The following OR5V1 variants were observed in gnomAD, a reference collection of about 807,000 sequenced individuals.
OR5V1 encodes olfactory receptor family 5 subfamily V member 1, also known as olfactory receptor 5V1.
For synonymous variants in OR5V1, 134 were observed against 143.2 expected (o/e 0.94, Z 0.46); for missense variants, 365 against 371.5 (o/e 0.98, Z 0.14).
Position 29,355,547 on chromosome 6 carries a change from A to G in OR5V1, c.649T>C (p.Ser217Pro). The change falls in exon 2 of 2, where the codon TCC becomes CCC. Residue 217 changes from serine to proline, a missense_variant. By Grantham distance (74) the Ser-to-Pro change is moderately conservative. Coordinates refer to ENST00000641768, the MANE Select transcript of OR5V1 (RefSeq NM_030876.6). Reference sequence around the variant, plus strand: ...ATGGTGGAGATTATGCAAATGTAGGAAAGTACGATACAAAGGAAAGGAGTC... The same window carrying G: ...ATGGTGGAGATTATGCAAATGTAGGGAAGTACGATACAAAGGAAAGGAGTC... ...GWTPFLCIVLSYICIISTILR... is the reference protein window; with the variant it reads ...GWTPFLCIVLPYICIISTILR... 3 of 1,614,048 alleles carry G rather than the reference A, an allele frequency of 1.9e-6. No homozygotes were observed. The highest frequency in any genetic ancestry group is 1.7e-6 in the Non-Finnish European group (2 of 1,179,926).
At position 29,355,311 on chromosome 6, in the gene OR5V1, CT is replaced by C; in HGVS notation, c.884del (p.Lys295ArgfsTer10). 6.2e-7 allele frequency: 1 copy of C among 1,613,770 alleles called. No individual in the cohort carries two copies. Among genetic ancestry groups the C allele is most frequent in the Non-Finnish European group, 8.5e-7 (1 of 1,179,792 alleles). On this transcript the variant is annotated frameshift_variant, in exon 2 of 2. Transcript: ENST00000641768. LOFTEE classifies it low-confidence loss of function (END_TRUNC). Reference protein sequence around the residue: ...LNPIIYTLRNKDIKEAVKTIG... With the variant: ...LNPIIYTLRNXDIKEAVKTIG... ...TAGTTTTGACAGCTTCTTTGATGTC[CT>C]TATTCCTCAATGTGTAAATTATAGG...
chr6:29,366,205 C>G (rs978661585), intron 1 of OR5V1, among the ~76,000 whole-genome samples: 1 of 151,062 alleles, frequency 6.6e-6, no homozygotes, highest in African/African-American at 2.4e-5. Context: ...CTAATGCATG[C>G]GGGGCTTAAA....
rs1320696239 is a variant in OR5V1, at chr6:29,355,592, T to C, written c.604A>G (p.Thr202Ala). The part of the protein sequence containing the change: ...TSVNELALLS[T>A]GVFIGWTPFL... ...GGAGTCCAACCAATGAAGACCCCAGTGGATAGCAGTGCCAACTCATTGACA... is the reference window on the plus strand; with the variant it reads ...GGAGTCCAACCAATGAAGACCCCAGCGGATAGCAGTGCCAACTCATTGACA... The change falls in exon 2 of 2, where the codon ACT becomes GCT. Residue 202 changes from threonine to alanine, a missense_variant. Coordinates refer to ENST00000641768, the MANE Select transcript of OR5V1 (RefSeq NM_030876.6). 6.2e-7 allele frequency: 1 copy of C among 1,613,818 alleles called. No individual in the cohort carries two copies. Among genetic ancestry groups the C allele is most frequent in the Admixed American group, 1.7e-5 (1 of 59,962 alleles).
intron 1 of OR5V1, among the ~76,000 whole-genome samples, chr6:29,365,072 G>A (rs1281367724): frequency 2.6e-5 from 4 of 152,008 alleles, no homozygotes; most frequent in Non-Finnish European, 5.9e-5. Context: ...TGAATAATTG[G>A]TGCTGGGAAA....
Position 29,355,663 on chromosome 6 carries a change from A to C in OR5V1, c.533T>G (p.Phe178Cys). 1 of 1,614,044 alleles carries C rather than the reference A, an allele frequency of 6.2e-7. No individual in the cohort carries two copies. The highest frequency in any genetic ancestry group is 8.5e-7 in the Non-Finnish European group (1 of 1,179,942). ...GATCAGCAAAGGGGGGATGTCACAG[A>C]AGAAGTAATTAATCTGATTGTTGCC... Reference protein sequence around the residue: ...FCGNNQINYFFCDIPPLLILS... With the variant: ...FCGNNQINYFCCDIPPLLILS... The change falls in exon 2 of 2, where the codon TTC becomes TGC. Residue 178 changes from phenylalanine to cysteine, a missense_variant. By Grantham distance (205) the Phe-to-Cys change is radical (BLOSUM62 -2). Coordinates refer to ENST00000641768, the MANE Select transcript of OR5V1 (RefSeq NM_030876.6).
Position 29,355,208 on chromosome 6 carries a change from A to G in OR5V1, c.*22T>C. 3 of 1,542,760 alleles carry G rather than the reference A, an allele frequency of 1.9e-6. No individual in the cohort carries two copies. Among genetic ancestry groups the G allele is most frequent in the Non-Finnish European group, 2.6e-6 (3 of 1,151,890 alleles). ...GGTGAAAAAGTTAATTTTGTAGTATAAGATTATTGAACCTGTGAGGTTCAA... is the reference window on the plus strand; with the variant it reads ...GGTGAAAAAGTTAATTTTGTAGTATGAGATTATTGAACCTGTGAGGTTCAA... On this transcript the variant is annotated 3_prime_UTR_variant, in exon 2 of 2. Coordinates refer to ENST00000641768, the MANE Select transcript of OR5V1 (RefSeq NM_030876.6).
chr6:29,356,452 T>C (rs1165605534), intron 1 of OR5V1, among the ~76,000 whole-genome samples, 175 bp from the exon 2 acceptor site: 1 of 152,138 alleles, frequency 6.6e-6, no homozygotes, highest in Non-Finnish European at 1.5e-5. Flanking sequence ...CACTGGAAGT[T>C]TTAAATTAGA....
chr6:29,361,279 A>C (rs1195635976), intron 1 of OR5V1, among the ~76,000 whole-genome samples: 1 of 152,236 alleles, frequency 6.6e-6, no homozygotes, highest in Non-Finnish European at 1.5e-5. Flanking sequence ...ATATGGGACT[A>C]TGTGAAAAGA....
intron 1 of OR5V1, among the ~76,000 whole-genome samples, chr6:29,365,368 AC>A (rs1778801568): frequency 3.3e-5 from 5 of 152,120 alleles, no homozygotes. Flanking sequence ...TGAACAGGAA[AC>A]CTACAGAATG....
Position 29,355,853 on chromosome 6 carries a change from G to A in OR5V1, c.343C>T (p.Leu115=), listed in dbSNP as rs2151269637. ...VFFVGSECLL[L]AAMAYDRYIA... ...TAACGATCATATGCCATTGCTGCCA[G>A]TAGGAGACACTCTGATCCTACAAAG... is the stretch of plus-strand genomic sequence containing the variant. The change falls in exon 2 of 2, where the codon CTG becomes TTG. Residue 115 remains leucine (L), a synonymous_variant. Coordinates refer to ENST00000641768, the MANE Select transcript of OR5V1 (RefSeq NM_030876.6). The A allele has an allele frequency of 6.2e-7, 1 of 1,614,026 alleles. No individual in the cohort carries two copies. The highest frequency in any genetic ancestry group is 1.6e-4 in the Middle Eastern group (1 of 6,062).
Position 29,355,964 on chromosome 6 carries a change from C to G in OR5V1, c.232G>C (p.Val78Leu). 1 of 1,614,000 alleles carries G rather than the reference C, an allele frequency of 6.2e-7. No individual in the cohort carries two copies. Among genetic ancestry groups the G allele is most frequent in the Non-Finnish European group, 8.5e-7 (1 of 1,179,930 alleles). Reference protein sequence around the residue: ...FIDICYTTSNVPQMMVHLLSK... With the variant: ...FIDICYTTSNLPQMMVHLLSK... ...AGGAGGTGCACCATCATCTGGGGGA[C>G]ATTGCTGGTGGTGTAGCAGATGTCA... Residue 78 changes from valine to leucine, a missense_variant, in exon 2 of 2, where the codon GTC (valine) becomes CTC (leucine). Physicochemically the swap from Val to Leu is conservative, Grantham distance 32. Transcript: ENST00000641768.
chr6:29,360,338 T>C (rs1778508808), intron 1 of OR5V1, among the ~76,000 whole-genome samples: 1 of 152,292 alleles, frequency 6.6e-6, no homozygotes, highest in South Asian at 2.1e-4. Flanking sequence ...TGGGCGCAGC[T>C]TCATCAGACT....
chr6:29,366,970 C>T (rs1180111621), intron 1 of OR5V1, among the ~76,000 whole-genome samples: 1 of 152,166 alleles, frequency 6.6e-6, no homozygotes, highest in Non-Finnish European at 1.5e-5. Context: ...GTTCTGTGAT[C>T]ATTGCCCTTT....
At chr6:29,358,675 T>C (rs146765557) in intron 1 of OR5V1, among the ~76,000 whole-genome samples, 40 of 152,326 alleles carry the variant, frequency 2.6e-4, no homozygotes, top group Non-Finnish European at 1.6e-4. Context: ...GAGGACATTA[T>C]GCTGAGTGAA....
intron 1 of OR5V1, among the ~76,000 whole-genome samples, chr6:29,366,325 T>TAA (rs34270802): frequency 0.18 from 22,411 of 125,486 alleles, 2,299 homozygotes; most frequent in East Asian, 0.4. Context: ...TAAAGTATAT[T>TAA]AAAAAAAAAA....
Position 29,366,553 on chromosome 6 carries a change from G to C in OR5V1, c.-83+2079C>G, listed in dbSNP as rs139889248. Among the ~76,000 whole-genome samples the C allele has an allele frequency of 1.9e-3, 283 of 152,238 alleles. 1 individual carries two copies. The highest frequency in any genetic ancestry group is 6.0e-3 in the African/African-American group (250 of 41,546). On this transcript the variant is annotated intron_variant, in intron 1 of 1. Coordinates refer to ENST00000641768, the MANE Select transcript of OR5V1 (RefSeq NM_030876.6). ...TGGGAGAGTGTGAAGTAGGAAAAAA[G>C]AGAACACAGAATTGAACTTTCTCAG...
rs776638436 is a variant in OR5V1 at position 29,355,835 on chromosome 6, C to A, written c.361G>T (p.Asp121Tyr). The A allele has an allele frequency of 1.2e-6, 2 of 1,614,014 alleles. No homozygotes were observed. ...GGATTGCAGATTGCAATGTAACGAT[C>A]ATATGCCATTGCTGCCAGTAGGAGA... Reference protein sequence around the residue: ...ECLLLAAMAYDRYIAICNPLR... With the variant: ...ECLLLAAMAYYRYIAICNPLR... The change falls in exon 2 of 2, where the codon GAT becomes TAT. Residue 121 changes from aspartate (D) to tyrosine (Y), a missense_variant. Asp to Tyr is a radical substitution (Grantham distance 160). Coordinates refer to ENST00000641768, the MANE Select transcript of OR5V1 (RefSeq NM_030876.6).
At position 29,355,184 on chromosome 6, in the gene OR5V1, G is replaced by T. The variant is rs778426535; in HGVS notation, c.*46C>A. The T allele has an allele frequency of 2.6e-6, 4 of 1,518,956 alleles. 1 individual carries two copies. The South Asian group carries it at 5.4e-5, about 21-fold the overall frequency. The allele number at this position is 1,518,956 out of a possible 1,614,324, so 94.1% of individuals were successfully genotyped here. A position where few individuals can be genotyped will look rare whatever the true frequency, so the allele number is the denominator to read the frequency against. ...AACTTTCAATAAAAACAGCTGACTGGTGAAAAAGTTAATTTTGTAGTATAA... is the reference window on the plus strand; with the variant it reads ...AACTTTCAATAAAAACAGCTGACTGTTGAAAAAGTTAATTTTGTAGTATAA... On this transcript the variant is annotated 3_prime_UTR_variant, in exon 2 of 2. Transcript: ENST00000641768.
chr6:29,363,945 G>A (rs548228842), intron 1 of OR5V1, among the ~76,000 whole-genome samples: 4 of 152,100 alleles, frequency 2.6e-5, no homozygotes, highest in Non-Finnish European at 5.9e-5. Context: ...GTTCTGCCCA[G>A]GGCAATCAGG....
Sources: allele counts gnomAD v4.1 joint callset (sites outside exome capture counted in the v4.1 genomes callset), GRCh38; gene constraint gnomAD v4.1.1; transcripts MANE v1.5; gene names NCBI Gene and HGNC (gene_info 2026-07-23, HGNC 2026-07-21).